Variants in TARS3 observed in about 807,000 individuals in gnomAD.
The protein encoded by TARS3 is threonyl-tRNA synthetase 3.
TARS3 carries 94 observed loss-of-function variants against 103.5 expected under a neutral mutation model. The ratio of observed to expected loss-of-function variants is 0.91; its 90% CI spans 0.77 to 1.08. The LOEUF is 1.08. TARS3 is among the 50% of genes least tolerant of loss of function. The pLI is 0.00. For missense variants in TARS3, 952 were observed against 995.2 expected (o/e 0.96, Z 0.58); for synonymous variants, 416 against 355.4 (o/e 1.17, Z -1.92).
chr15:101,674,932 G>A (rs928117493), intron 13 of TARS3, among the ~76,000 whole-genome samples: 3 of 152,128 alleles, frequency 2.0e-5, no homozygotes, highest in African/African-American at 7.2e-5. Context: ...GCATCCACTT[G>A]GGGTCTTATT....
At position 101,661,610 on chromosome 15, in the gene TARS3, A is replaced by AT. The variant is rs199969469; in HGVS notation, c.2072+101dup. ...TTACTACTTTTTTCTTTTACACATG[A>AT]TTTTTTAAGAATAGAAATATTTTTA... On this transcript the variant is annotated intron_variant, in intron 16 of 18. Transcript: ENST00000335968. 2,478 of 764,844 alleles carry AT rather than the reference A, an allele frequency of 3.2e-3. 67 individuals carry two copies. The African/African-American group carries it at 0.042, about 13-fold the overall frequency. The allele number at this position is 764,844 out of a possible 1,614,324, so 47.4% of individuals were successfully genotyped here.
intron 10 of TARS3, among the ~76,000 whole-genome samples, chr15:101,697,048 T>A (rs1899016568): frequency 6.6e-6 from 1 of 152,184 alleles, no homozygotes; most frequent in African/African-American, 2.4e-5. Context: ...TTTGTGAATA[T>A]TCATAGCTCT....
rs1897091795 is a variant in TARS3 at position 101,653,632 on chromosome 15, C to A, written c.*950G>T. On this transcript the variant is annotated 3_prime_UTR_variant, in exon 19 of 19. Transcript: ENST00000335968. Reference sequence around the variant, plus strand: ...ATTGTTTTGTTTGCCAACTGTTTCACTGTTCACATCCCTCAGGAAGTTAAC... The same window carrying A: ...ATTGTTTTGTTTGCCAACTGTTTCAATGTTCACATCCCTCAGGAAGTTAAC... The A allele has an allele frequency of 6.6e-6, 1 of 152,292 alleles. No homozygotes were observed. Among genetic ancestry groups the A allele is most frequent in the East Asian group, 1.9e-4 (1 of 5,206 alleles). The allele number at this position is 152,292 out of a possible 1,614,324, so 9.4% of individuals were successfully genotyped here. A position where few individuals can be genotyped will look rare whatever the true frequency, so the allele number is the denominator to read the frequency against.
At chr15:101,699,721 A>T (rs1899163321) in intron 10 of TARS3, among the ~76,000 whole-genome samples, 1 of 152,212 alleles carries the variant, frequency 6.6e-6, no homozygotes, top group African/African-American at 2.4e-5. Flanking sequence ...CAGGTGATAG[A>T]ATACAGACAT....
intron 18 of TARS3, among the ~76,000 whole-genome samples, chr15:101,655,449 G>C (rs1372595948): frequency 8.2e-4 from 85 of 103,684 alleles, no homozygotes; most frequent in Middle Eastern, 0.018. Context: ...CAGGCTCACA[G>C]TGACTCCACC....
intron 13 of TARS3, among the ~76,000 whole-genome samples, chr15:101,673,702 T>C (rs1227528733): frequency 6.6e-6 from 1 of 152,120 alleles, no homozygotes; most frequent in Non-Finnish European, 1.5e-5. Context: ...CTTCCCAGGG[T>C]AGATAGGCTA....
At chr15:101,718,648 A>G (rs1248940973) in intron 3 of TARS3, among the ~76,000 whole-genome samples, 1 of 152,184 alleles carries the variant, frequency 6.6e-6, no homozygotes, top group African/African-American at 2.4e-5. Flanking sequence ...ATTAGAGAGC[A>G]AGAGTGCCTC....
At chr15:101,719,831 A>G (rs1900356896) in intron 3 of TARS3, among the ~76,000 whole-genome samples, 1 of 152,230 alleles carries the variant, frequency 6.6e-6, no homozygotes, top group East Asian at 1.9e-4. Context: ...GATGTCCACT[A>G]GGCTTGACTG....
chr15:101,694,885 G>A (rs1330694888), intron 10 of TARS3, among the ~76,000 whole-genome samples: 3 of 152,150 alleles, frequency 2.0e-5, no homozygotes, highest in African/African-American at 7.2e-5. Context: ...GGTTACCAGA[G>A]GCTGGGGGAG....
At chr15:101,670,523 G>C (rs1897753773) in intron 15 of TARS3, among the ~76,000 whole-genome samples, 2 of 152,214 alleles carry the variant, frequency 1.3e-5, no homozygotes, top group Admixed American at 1.3e-4. Context: ...ACAATATCAA[G>C]TACTGGCAAG....
chr15:101,685,534 A>G (rs1340011645), intron 11 of TARS3, among the ~76,000 whole-genome samples: 1 of 152,186 alleles, frequency 6.6e-6, no homozygotes, highest in Non-Finnish European at 1.5e-5. Flanking sequence ...GACCTCATTG[A>G]TCTTGTTATA....
At chr15:101,672,647 C>G (rs1897857270) in intron 13 of TARS3, among the ~76,000 whole-genome samples, 1 of 152,092 alleles carries the variant, frequency 6.6e-6, no homozygotes, top group South Asian at 2.1e-4. Context: ...TTTCCCAGGA[C>G]CTCAGTCAGG....
intron 15 of TARS3, among the ~76,000 whole-genome samples, chr15:101,662,495 TAAAAC>T (rs1408848039): frequency 1.3e-5 from 2 of 152,066 alleles, no homozygotes; most frequent in African/African-American, 2.4e-5. Context: ...AATAATAAAA[TAAAAC>T]AAACAAAAAC....
chr15:101,705,699 T>C lies in TARS3; in HGVS notation c.979A>G (p.Thr327Ala), dbSNP rs1213962253. 1.2e-6 allele frequency: 2 copies of C among 1,611,288 alleles called. No individual in the cohort carries two copies. Among genetic ancestry groups the C allele is most frequent in the Non-Finnish European group, 1.7e-6 (2 of 1,178,380 alleles). ...GACACAAACCTGTACACGGTGGTAGTTGCAGTGTTAACTTTCTCATTCAGA... is the reference window on the plus strand; with the variant it reads ...GACACAAACCTGTACACGGTGGTAGCTGCAGTGTTAACTTTCTCATTCAGA... Reference protein sequence around the residue: ...RILNEKVNTATTTVYRCGPLI... With the variant: ...RILNEKVNTAATTVYRCGPLI... The change falls in exon 7 of 19, where the codon ACT (threonine) becomes GCT (alanine). Residue 327 changes from threonine to alanine, a missense_variant. By Grantham distance (58) the Thr-to-Ala change is moderately conservative. This residue lies in a region of TARS3 where 540 missense variants were observed against 631.0 expected (regional missense o/e 0.86). Transcript: ENST00000335968.
At chr15:101,657,880 G>T in intron 16 of TARS3, 23 bp from the exon 17 acceptor site, 2 of 1,444,328 alleles carry the variant, frequency 1.4e-6, no homozygotes, top group South Asian at 1.2e-5. Context: ...TATAAAATAT[G>T]TATTTTCAAA....
At chr15:101,658,548 G>A (rs973499242) in intron 16 of TARS3, among the ~76,000 whole-genome samples, 1 of 152,122 alleles carries the variant, frequency 6.6e-6, no homozygotes, top group Non-Finnish European at 1.5e-5. Context: ...GGAAAAAAGG[G>A]CAGCAGGAGG....
At chr15:101,666,212 G>A (rs557693818) in intron 15 of TARS3, among the ~76,000 whole-genome samples, 2 of 152,098 alleles carry the variant, frequency 1.3e-5, no homozygotes, top group African/African-American at 4.8e-5. Context: ...GGTCAGGATC[G>A]GTGGCTCACG....
At chr15:101,721,390 A>C (rs1900451417) in intron 2 of TARS3, 68 bp from the exon 3 acceptor site, 1 of 1,254,954 alleles carries the variant, frequency 8.0e-7, no homozygotes, top group African/African-American at 1.5e-5. Context: ...CTCAGCTCTG[A>C]ATCAGGCTCA....
chr15:101,708,933 G>T, intron 5 of TARS3, 23 bp from the exon 6 acceptor site: 1 of 1,444,526 alleles, frequency 6.9e-7, no homozygotes, highest in Non-Finnish European at 9.4e-7. Context: ...GCAGAGAACC[G>T]ACATCCATCT....
Sources: gnomAD v4.1 joint callset for allele counts (sites outside exome capture counted in the v4.1 genomes callset) on GRCh38, gnomAD v4.1.1 for gene constraint, gnomAD v4.1.1 regional missense constraint, MANE v1.5 for transcripts, NCBI Gene and HGNC (gene_info 2026-07-23, HGNC 2026-07-21) for gene names.